HS2ST1: variants seen among roughly 807,000 people sequenced by gnomAD.
HS2ST1 encodes the protein heparan sulfate 2-O-sulfotransferase 1, also known as 2-O-sulfotransferase.
In HS2ST1, 18 loss-of-function variants were observed where a neutral mutation model predicts 42.9. The observed-to-expected ratio is 0.42, with a 90% CI of 0.29 to 0.62. The LOEUF is 0.62. Among genes scored for constraint, HS2ST1 ranks in the 20% least tolerant of loss-of-function variants. The pLI is 0.21. For missense variants in HS2ST1, 334 were observed against 433.8 expected, an observed-to-expected ratio of 0.77 and a Z score of 2.04; for synonymous variants, 146 against 152.9, an observed-to-expected ratio of 0.95 and a Z score of 0.33.
intron 1 of HS2ST1, among the ~76,000 whole-genome samples, chr1:87,042,313 T>C (rs1280716448): frequency 2.0e-5 from 3 of 152,282 alleles, no homozygotes; most frequent in Non-Finnish European, 4.4e-5. Context: ...AGAAACTTTT[T>C]AGTTTGATAC....
At chr1:87,095,289 T>C (rs1230193253) in intron 4 of HS2ST1, among the ~76,000 whole-genome samples, 1 of 152,172 alleles carries the variant, frequency 6.6e-6, no homozygotes, top group Non-Finnish European at 1.5e-5. Context: ...TTCTCAAAAA[T>C]GTGTAGATAG....
intron 1 of HS2ST1, among the ~76,000 whole-genome samples, chr1:87,060,470 A>G (rs1177908813): frequency 6.6e-6 from 1 of 152,166 alleles, no homozygotes; most frequent in Non-Finnish European, 1.5e-5. Flanking sequence ...ATTGACCTGT[A>G]ATGGTATCCT....
At chr1:87,055,822 A>G (rs926103128) in intron 1 of HS2ST1, among the ~76,000 whole-genome samples, 1 of 152,212 alleles carries the variant, frequency 6.6e-6, no homozygotes, top group Admixed American at 6.5e-5. Context: ...TAACAGCCCA[A>G]ACCCTCAAAA....
intron 1 of HS2ST1, among the ~76,000 whole-genome samples, chr1:87,055,559 G>A (rs952646969): frequency 2.6e-5 from 4 of 152,052 alleles, no homozygotes; most frequent in African/African-American, 4.8e-5. Context: ...TAGAAGTCCC[G>A]CGTGGGTTAC....
intron 1 of HS2ST1, among the ~76,000 whole-genome samples, chr1:87,031,534 T>G (rs1650238053): frequency 6.6e-6 from 1 of 152,184 alleles, no homozygotes; most frequent in Non-Finnish European, 1.5e-5. Context: ...TGTGCCAAAA[T>G]GTAAATCAGC....
intron 1 of HS2ST1, among the ~76,000 whole-genome samples, chr1:86,986,000 G>C (rs1384792154): frequency 2.1e-5 from 3 of 145,512 alleles, no homozygotes; most frequent in Non-Finnish European, 4.5e-5. Flanking sequence ...ATGTTAATGT[G>C]ATCATTACCT....
At chr1:87,045,925 C>G in intron 1 of HS2ST1, 1 of 702,034 alleles carries the variant, frequency 1.4e-6, no homozygotes, top group Non-Finnish European at 2.7e-6. Context: ...CCACGTCGAC[C>G]TGATTGATCT....
chr1:86,963,338 G>T (rs1172732539), intron 1 of HS2ST1, among the ~76,000 whole-genome samples: 2 of 152,140 alleles, frequency 1.3e-5, no homozygotes, highest in South Asian at 2.1e-4. Context: ...GTGGGTACTT[G>T]AGATTAGGGA....
At position 86,918,310 on chromosome 1, in the gene HS2ST1, T is replaced by G. The variant is rs1205061080; in HGVS notation, c.124+3150T>G. Among the ~76,000 whole-genome samples, 9 of 152,294 alleles carry G rather than the reference T, an allele frequency of 5.9e-5. No homozygotes were observed. In the East Asian group the frequency reaches 1.5e-3, roughly 26 times the overall value. ...ATATTACAATGCGGCTTGCTTTTTT[T>G]GCCTTGAATGTTATACACATCTTTC... On this transcript the variant is annotated intron_variant, in intron 1 of 6. Transcript: ENST00000370550.
In HS2ST1 at chr1:86,914,675, A is replaced by G; in HGVS notation, c.-362A>G. The G allele has an allele frequency of 4.5e-6, 1 of 223,470 alleles. No individual in the cohort carries two copies. Among genetic ancestry groups the G allele is most frequent in the Non-Finnish European group, 9.0e-6 (1 of 111,334 alleles). 13.8% of individuals were successfully genotyped at this position (223,470 alleles called of 1,614,324 possible). A position where few individuals can be genotyped will look rare whatever the true frequency, so the allele number is the denominator to read the frequency against. On this transcript the variant is annotated 5_prime_UTR_variant, in exon 1 of 7. Coordinates refer to ENST00000370550, the MANE Select transcript of HS2ST1 (RefSeq NM_012262.4). ...GTGGAGGGGCGCGCGGCCGCGAGCA[A>G]AGGAGGGAGGGAAGGAAGGAAGAGA...
At chr1:86,962,751 CAATAAGATTTTTTTTTCAAAGTAA>C (rs1006949475) in intron 1 of HS2ST1, among the ~76,000 whole-genome samples, 6 of 151,916 alleles carry the variant, frequency 3.9e-5, no homozygotes, top group African/African-American at 1.5e-4. Context: ...CTAGTCTGTA[CAATAAGATTTTTTTTTCAAAGTAA>C]ATATAGGTTA....
chr1:87,095,094 T>G (rs1035016052), intron 4 of HS2ST1, among the ~76,000 whole-genome samples: 9 of 152,188 alleles, frequency 5.9e-5, no homozygotes, highest in African/African-American at 1.9e-4. Context: ...CCTAATGAGT[T>G]AAGTGGTGTT....
At chr1:86,974,227 C>G (rs1557500248) in intron 1 of HS2ST1, among the ~76,000 whole-genome samples, 1 of 152,070 alleles carries the variant, frequency 6.6e-6, no homozygotes, top group South Asian at 2.1e-4. Context: ...AAATTTCAGC[C>G]CCACTCCCAT....
At chr1:86,962,585 A>G (rs995920709) in intron 1 of HS2ST1, among the ~76,000 whole-genome samples, 2 of 152,248 alleles carry the variant, frequency 1.3e-5, no homozygotes, top group Non-Finnish European at 2.9e-5. Flanking sequence ...ATTATAAAAT[A>G]TGAAGTTTGG....
chr1:87,031,960 A>G (rs921017128), intron 1 of HS2ST1, among the ~76,000 whole-genome samples: 1 of 152,226 alleles, frequency 6.6e-6, no homozygotes, highest in Non-Finnish European at 1.5e-5. Flanking sequence ...GGCATAATTT[A>G]CTGGTTCAGT....
At chr1:86,975,648 T>C (rs1280108278) in intron 1 of HS2ST1, among the ~76,000 whole-genome samples, 3 of 152,192 alleles carry the variant, frequency 2.0e-5, no homozygotes, top group African/African-American at 7.2e-5. Context: ...TCTAAATATG[T>C]GTTCAATTTA....
chr1:86,960,034 T>G (rs773519718), intron 1 of HS2ST1, among the ~76,000 whole-genome samples: 1 of 152,112 alleles, frequency 6.6e-6, no homozygotes, highest in Non-Finnish European at 1.5e-5. Context: ...CTTAAAGACT[T>G]ATGAAGCCAC....
chr1:87,037,199 A>G (rs1306359268), intron 1 of HS2ST1, among the ~76,000 whole-genome samples: 3 of 152,178 alleles, frequency 2.0e-5, no homozygotes, highest in African/African-American at 7.2e-5. Context: ...TTAATATGTA[A>G]TTCTATAATA....
intron 1 of HS2ST1, among the ~76,000 whole-genome samples, chr1:87,047,878 G>A (rs1650726595): frequency 6.6e-6 from 1 of 152,026 alleles, no homozygotes; most frequent in Non-Finnish European, 1.5e-5. Context: ...GAGATAAAGT[G>A]GTGTAAATCC....
Sources: allele counts gnomAD v4.1 joint callset (sites outside exome capture counted in the v4.1 genomes callset), GRCh38; gene constraint gnomAD v4.1.1; transcripts MANE v1.5; gene names NCBI Gene and HGNC (gene_info 2026-07-23, HGNC 2026-07-21).